APP: variants seen among roughly 807,000 people sequenced by gnomAD.
APP encodes the protein amyloid-beta precursor protein.
APP carries 31 observed loss-of-function variants against 101.4 expected under a neutral mutation model. That is an observed-to-expected ratio of 0.31 (90% CI 0.23 to 0.41). APP has a LOEUF of 0.41. APP is among the 10% of genes least tolerant of loss of function. APP has a pLI of 1.00. For synonymous variants in APP, 366 were observed against 364.4 expected (o/e 1.00, Z -0.05); for missense variants, 839 against 1,003.7 (o/e 0.84, Z 2.22).
At chr21:25,945,390 T>C (rs1268441344) in intron 13 of APP, 1 of 145,208 alleles carries the variant, frequency 6.9e-6, no homozygotes, top group East Asian at 2.0e-4. Flanking sequence ...CTTTTTTTTT[T>C]TTTTTTTTTT....
At chr21:25,893,745 AAGC>A (rs1202827705) in intron 16 of APP, among the ~76,000 whole-genome samples, 1 of 152,250 alleles carries the variant, frequency 6.6e-6, no homozygotes, top group East Asian at 1.9e-4. Flanking sequence ...GTGCAAGGTG[AAGC>A]AGCAAGTGCT....
chr21:25,929,759 ATTAGT>A (rs1370554146), intron 13 of APP, among the ~76,000 whole-genome samples: 1 of 152,210 alleles, frequency 6.6e-6, no homozygotes, highest in African/African-American at 2.4e-5. Context: ...TTCCTCAAAT[ATTAGT>A]TTTCATGCTC....
chr21:25,979,793 A>G (rs898166829), intron 9 of APP, among the ~76,000 whole-genome samples: 1 of 151,664 alleles, frequency 6.6e-6, no homozygotes, highest in African/African-American at 2.4e-5. Flanking sequence ...GAAAAAATCC[A>G]GGATTAAAAA....
chr21:26,000,411 C>G (rs2043244021), intron 6 of APP, among the ~76,000 whole-genome samples: 1 of 152,150 alleles, frequency 6.6e-6, no homozygotes, highest in African/African-American at 2.4e-5. Flanking sequence ...GACTCGGTAG[C>G]AATAAAAGGA....
At chr21:26,053,394 G>A (rs541667352) in intron 3 of APP, 46 bp from the exon 4 acceptor site, 2 of 1,335,342 alleles carry the variant, frequency 1.5e-6, no homozygotes, top group Admixed American at 3.4e-5. Flanking sequence ...CTGTATCACA[G>A]TGTTCTTACC....
At chr21:26,026,498 T>C (rs2146800925) in intron 5 of APP, among the ~76,000 whole-genome samples, 1 of 152,322 alleles carries the variant, frequency 6.6e-6, no homozygotes, top group Admixed American at 6.5e-5. Flanking sequence ...GACCTTGATA[T>C]AATTCCACAT....
intron 5 of APP, among the ~76,000 whole-genome samples, chr21:26,033,015 T>A (rs1432859326): frequency 6.6e-6 from 1 of 152,022 alleles, no homozygotes; most frequent in African/African-American, 2.4e-5. Flanking sequence ...AATAATCTGT[T>A]GAAGAGGTAA....
At chr21:26,111,736 A>T (rs534036853) in intron 2 of APP, among the ~76,000 whole-genome samples, 1 of 152,234 alleles carries the variant, frequency 6.6e-6, no homozygotes, top group East Asian at 1.9e-4. Context: ...GGAAAAAAAA[A>T]AGTGCTGTGA....
At chr21:26,101,313 G>A (rs1246306657) in intron 2 of APP, among the ~76,000 whole-genome samples, 1 of 151,922 alleles carries the variant, frequency 6.6e-6, no homozygotes, top group Non-Finnish European at 1.5e-5. Context: ...TGGCTAGGAT[G>A]GTCTTGATCT....
chr21:25,964,385 T>C (rs748040054), intron 11 of APP, among the ~76,000 whole-genome samples: 1 of 152,206 alleles, frequency 6.6e-6, no homozygotes, highest in African/African-American at 2.4e-5. Flanking sequence ...TTTCTAATTA[T>C]GGCTAACAAA....
At chr21:26,009,164 A>G (rs2043670622) in intron 6 of APP, among the ~76,000 whole-genome samples, 1 of 152,256 alleles carries the variant, frequency 6.6e-6, no homozygotes, top group Non-Finnish European at 1.5e-5. Flanking sequence ...AGAAGTAGTT[A>G]GGGAAGAATT....
chr21:26,170,014 G>T (rs59559781), intron 1 of APP, among the ~76,000 whole-genome samples: 5,155 of 152,268 alleles, frequency 0.034, 278 homozygotes, highest in African/African-American at 0.12. Flanking sequence ...AGCAAGGAAG[G>T]GGGATGGGGG....
chr21:25,944,570 A>G (rs1363566930), intron 13 of APP, among the ~76,000 whole-genome samples: 2 of 152,228 alleles, frequency 1.3e-5, no homozygotes, highest in African/African-American at 4.8e-5. Flanking sequence ...TCTCACATGA[A>G]ACAAACTCAT....
intron 11 of APP, among the ~76,000 whole-genome samples, chr21:25,973,951 A>AAAAG (rs1397295829): frequency 6.6e-6 from 1 of 151,052 alleles, no homozygotes; most frequent in African/African-American, 2.4e-5. Context: ...TTTAAAAAAA[A>AAAAG]AAAAAAAAAA....
At chr21:26,005,761 A>C (rs563833905) in intron 6 of APP, among the ~76,000 whole-genome samples, 1 of 152,336 alleles carries the variant, frequency 6.6e-6, no homozygotes, top group East Asian at 1.9e-4. Context: ...TAATCTACTG[A>C]AACTTCTAAA....
At chr21:26,140,342 T>C (rs1466378172) in intron 1 of APP, 2 of 1,515,382 alleles carry the variant, frequency 1.3e-6, no homozygotes, top group Non-Finnish European at 1.8e-6. Context: ...GTCAACAGCA[T>C]GTCAACACTA....
chr21:26,122,074 C>T (rs2062585913), intron 1 of APP, among the ~76,000 whole-genome samples: 1 of 152,152 alleles, frequency 6.6e-6, no homozygotes, highest in Non-Finnish European at 1.5e-5. Context: ...TATACTTGGA[C>T]AAGGGGAAAA....
chr21:26,109,157 TG>T (rs2062253445), intron 2 of APP, among the ~76,000 whole-genome samples: 1 of 152,192 alleles, frequency 6.6e-6, no homozygotes, highest in South Asian at 2.1e-4. Context: ...CCACTCATGG[TG>T]GCCACCAACA....
chr21:26,097,100 CA>C (rs1383567759), intron 2 of APP, among the ~76,000 whole-genome samples: 3 of 152,146 alleles, frequency 2.0e-5, no homozygotes, highest in African/African-American at 7.2e-5. Context: ...TCCAATTGAA[CA>C]AAAGCCAAGA....
Sources: allele counts gnomAD v4.1 joint callset (sites outside exome capture counted in the v4.1 genomes callset), GRCh38; gene constraint gnomAD v4.1.1; transcripts MANE v1.5; gene names NCBI Gene and HGNC (gene_info 2026-07-23, HGNC 2026-07-21).